KCNQ3: variants seen among roughly 807,000 people sequenced by gnomAD.
The protein encoded by KCNQ3 is potassium voltage-gated channel subfamily Q member 3, also known as potassium voltage-gated channel subfamily KQT member 3.
Under a neutral mutation model 92.5 loss-of-function variants are expected in KCNQ3, and 30 were observed. The observed-to-expected ratio is 0.32, with a 90% confidence interval of 0.24 to 0.44. The LOEUF is 0.44. KCNQ3 is among the 20% of genes least tolerant of loss of function. The pLI, the probability that KCNQ3 is intolerant of heterozygous loss-of-function variation, is 1.00. For synonymous variants in KCNQ3, 450 were observed against 468.8 expected, an observed-to-expected ratio of 0.96 and a Z score of 0.52; for missense variants, 913 against 1,140.3, an observed-to-expected ratio of 0.80 and a Z score of 2.87.
chr8:132,469,741 C>A (rs1822255553), intron 1 of KCNQ3, among the ~76,000 whole-genome samples: 2 of 152,008 alleles, frequency 1.3e-5, no homozygotes, highest in Admixed American at 1.3e-4. Flanking sequence ...AGGATCACAA[C>A]CAAGTTTCAT....
At chr8:132,189,211 T>C (rs888027688) in intron 1 of KCNQ3, among the ~76,000 whole-genome samples, 1 of 152,290 alleles carries the variant, frequency 6.6e-6, no homozygotes, top group South Asian at 2.1e-4. Context: ...CCTGCTAATG[T>C]CTTGGCAGTG....
chr8:132,166,013 G>T (rs1278934383), intron 8 of KCNQ3, among the ~76,000 whole-genome samples: 1 of 152,138 alleles, frequency 6.6e-6, no homozygotes, highest in East Asian at 1.9e-4. Flanking sequence ...CTTGACCCTG[G>T]TCGTAAAAGG....
At position 132,275,752 on chromosome 8, in the gene KCNQ3, T is replaced by C. The variant is rs536820414; in HGVS notation, c.387-89571A>G. Among the ~76,000 whole-genome samples the C allele has an allele frequency of 5.9e-5, 9 of 151,402 alleles. No individual in the cohort carries two copies. The East Asian group carries it at 1.6e-3, about 26-fold the overall frequency. ...GCCACCAGGCCCGGCTAATTTTTTG[T>C]ATTTTTAGTAGAAACGGGGTTTCAC... On this transcript the variant is annotated intron_variant, in intron 1 of 14. Transcript: ENST00000388996.
At chr8:132,398,515 T>C (rs1163862008) in intron 1 of KCNQ3, among the ~76,000 whole-genome samples, 1 of 152,218 alleles carries the variant, frequency 6.6e-6, no homozygotes, top group Non-Finnish European at 1.5e-5. Flanking sequence ...AAATCTCAAA[T>C]GTCAAAATCT....
At chr8:132,305,554 G>A (rs910278538) in intron 1 of KCNQ3, among the ~76,000 whole-genome samples, 1 of 152,078 alleles carries the variant, frequency 6.6e-6, no homozygotes, top group Admixed American at 6.5e-5. Flanking sequence ...TTCCCTGGTG[G>A]TGGTTGCTTC....
intron 8 of KCNQ3, among the ~76,000 whole-genome samples, chr8:132,164,353 T>C (rs75603246): frequency 2.0e-5 from 3 of 149,010 alleles, no homozygotes; most frequent in Non-Finnish European, 3.0e-5. Flanking sequence ...TTTTTTTTTT[T>C]CTTGTCTAAA....
intron 1 of KCNQ3, among the ~76,000 whole-genome samples, chr8:132,436,657 A>C (rs116500826): frequency 0.018 from 2,707 of 152,222 alleles, 77 homozygotes; most frequent in African/African-American, 0.061. Context: ...CATTTTTGCT[A>C]TGTATTTCAC....
At chr8:132,231,117 G>A (rs540924013) in intron 1 of KCNQ3, among the ~76,000 whole-genome samples, 7 of 152,270 alleles carry the variant, frequency 4.6e-5, no homozygotes, top group East Asian at 1.9e-4. Context: ...AAGCAATGCC[G>A]AGGATTGCCA....
Position 132,264,420 on chromosome 8 carries a change from G to A in KCNQ3, c.387-78239C>T, listed in dbSNP as rs199992454. Among the ~76,000 whole-genome samples the A allele has an allele frequency of 5.3e-5, 8 of 152,310 alleles. No individual in the cohort carries two copies. The East Asian group carries it at 1.4e-3, about 26-fold the overall frequency. On this transcript the variant is annotated intron_variant, in intron 1 of 14. Coordinates refer to ENST00000388996, the MANE Select transcript of KCNQ3 (RefSeq NM_004519.4). ...CCCCAAACCCTCCTGGCCATTTCTGGTTGTGAAAATACCTGGAGCTCACTA... is the reference window on the plus strand; with the variant it reads ...CCCCAAACCCTCCTGGCCATTTCTGATTGTGAAAATACCTGGAGCTCACTA...
chr8:132,188,678 C>T (rs1827071502), intron 1 of KCNQ3, among the ~76,000 whole-genome samples: 2 of 152,206 alleles, frequency 1.3e-5, no homozygotes, highest in Non-Finnish European at 2.9e-5. Flanking sequence ...AGACATAGTA[C>T]TGGTTTTAAG....
intron 1 of KCNQ3, among the ~76,000 whole-genome samples, chr8:132,338,145 C>T (rs1475479861): frequency 6.6e-6 from 1 of 152,138 alleles, no homozygotes; most frequent in Non-Finnish European, 1.5e-5. Context: ...CTGGGAAGCA[C>T]TTTGTAGATA....
At chr8:132,347,572 AGCAAAGG>A (rs1265721398) in intron 1 of KCNQ3, among the ~76,000 whole-genome samples, 3 of 152,216 alleles carry the variant, frequency 2.0e-5, no homozygotes, top group Admixed American at 1.3e-4. Context: ...GGCCCCTCAG[AGCAAAGG>A]GCAGCAGCAA....
At chr8:132,141,009 GGA>G (rs1825278229) in intron 10 of KCNQ3, 118 bp downstream of exon 10, 2 of 907,114 alleles carry the variant, frequency 2.2e-6, no homozygotes, top group Admixed American at 1.9e-5. Context: ...TCGAGGGAAG[GGA>G]GAGAGTTACC....
chr8:132,261,493 C>T lies in KCNQ3; in HGVS notation c.387-75312G>A, dbSNP rs1815783638. Among the ~76,000 whole-genome samples the T allele has an allele frequency of 2.0e-5, 3 of 152,134 alleles. No homozygotes were observed. The South Asian group carries it at 6.2e-4, about 32-fold the overall frequency. On this transcript the variant is annotated intron_variant, in intron 1 of 14. Coordinates refer to ENST00000388996, the MANE Select transcript of KCNQ3 (RefSeq NM_004519.4). ...CCTCATCCTCAGCTCTGGGGAGCTTCCCACAATGGTGGGGAATGTTTTGAA... is the reference window on the plus strand; with the variant it reads ...CCTCATCCTCAGCTCTGGGGAGCTTTCCACAATGGTGGGGAATGTTTTGAA...
chr8:132,354,972 G>A (rs72721025), intron 1 of KCNQ3, among the ~76,000 whole-genome samples: 1,748 of 152,222 alleles, frequency 0.011, 17 homozygotes, highest in Non-Finnish European at 0.02. Context: ...TTGTCTCTGC[G>A]ACTGCCCTAA....
At chr8:132,159,354 A>G (rs777525791) in intron 9 of KCNQ3, among the ~76,000 whole-genome samples, 3 of 152,162 alleles carry the variant, frequency 2.0e-5, no homozygotes, top group Non-Finnish European at 4.4e-5. Context: ...TCCCACTTCA[A>G]TCATGTGACT....
Position 132,140,070 on chromosome 8 carries a change from C to A in KCNQ3, c.1568+6G>T, listed in dbSNP as rs1428496892. 1.3e-6 allele frequency: 2 copies of A among 1,582,832 alleles called. No homozygotes were observed. Among genetic ancestry groups the A allele is most frequent in the Non-Finnish European group, 8.6e-7 (1 of 1,163,282 alleles). ...ACAGGCACAGGTGGGACCGTGGGGG[C>A]ATTACCTGACGGCTCGGATGGCGGC... On this transcript the variant is annotated splice_donor_region_variant and intron_variant, in intron 11 of 14. Transcript: ENST00000388996.
intron 1 of KCNQ3, among the ~76,000 whole-genome samples, chr8:132,437,306 A>T (rs575485082): frequency 2.0e-5 from 3 of 151,102 alleles, no homozygotes; most frequent in African/African-American, 4.9e-5. Context: ...AAAAATAAAA[A>T]AAATAAAAAA....
chr8:132,259,816 A>G (rs1025363982), intron 1 of KCNQ3, among the ~76,000 whole-genome samples: 25 of 152,182 alleles, frequency 1.6e-4, no homozygotes, highest in African/African-American at 5.8e-4. Flanking sequence ...ACAAGATACA[A>G]GGTCAATATT....
Sources: allele counts gnomAD v4.1 joint callset (sites outside exome capture counted in the v4.1 genomes callset), GRCh38; gene constraint gnomAD v4.1.1; transcripts MANE v1.5; gene names NCBI Gene and HGNC (gene_info 2026-07-23, HGNC 2026-07-21).